Variants in PAN2 observed in about 807,000 individuals in gnomAD.
PAN2 encodes the protein PAN2-PAN3 deadenylation complex catalytic subunit PAN2.
PAN2 carries 68 observed loss-of-function variants against 133.3 expected under a neutral mutation model. The observed-to-expected ratio is 0.51, with a 90% CI of 0.42 to 0.62. The LOEUF (loss-of-function observed/expected upper bound fraction) is 0.62, where lower values mean the gene tolerates loss of function less well. Among genes scored for constraint, PAN2 ranks in the 20% least tolerant of loss-of-function variants. PAN2 has a pLI of 0.00. For synonymous variants in PAN2, 462 were observed against 544.6 expected (o/e 0.85, Z 2.11); for missense variants, 1,042 against 1,500.5 (o/e 0.69, Z 5.05).
chr12:56,331,279 G>C (rs557126059), intron 2 of PAN2, among the ~76,000 whole-genome samples: 3 of 152,290 alleles, frequency 2.0e-5, no homozygotes, highest in East Asian at 3.9e-4. Flanking sequence ...ATTGCTTGTA[G>C]TTCCTGAATT....
In PAN2 at chr12:56,328,007, G is replaced by A. The variant is rs201119518; in HGVS notation, c.639C>T (p.His213=). 6.2e-7 allele frequency: 1 copy of A among 1,613,960 alleles called. No homozygotes were observed. Among genetic ancestry groups the A allele is most frequent in the African/African-American group, 1.3e-5 (1 of 75,042 alleles). The change falls in exon 5 of 26, where the codon CAC becomes CAT. Residue 213 remains histidine (H), a synonymous_variant. Transcript: ENST00000440411. ...GGAACTTGGCCACCTTGCCAGACGT[G>A]TGGCCGCAGAAGAAGAAGCGATTTG... The part of the protein sequence containing the change: ...RQTNRFFFCG[H]TSGKVSLRDL...
At chr12:56,318,154 G>A in intron 25 of PAN2, 83 bp downstream of exon 25, 1 of 1,165,682 alleles carries the variant, frequency 8.6e-7, no homozygotes, top group Non-Finnish European at 1.3e-6. Flanking sequence ...TTCAGCCTGG[G>A]TGACAGAGTG....
At chr12:56,327,304 G>T in intron 6 of PAN2, 60 bp downstream of exon 6, 1 of 1,562,720 alleles carries the variant, frequency 6.4e-7, no homozygotes, top group South Asian at 1.1e-5. Flanking sequence ...GTACTCCTTC[G>T]GGTTCTAGCT....
chr12:56,324,219 G>A (rs1874870648), intron 12 of PAN2, 34 bp from the exon 13 acceptor site: 3 of 1,612,030 alleles, frequency 1.9e-6, no homozygotes, highest in African/African-American at 1.3e-5. Flanking sequence ...TGCACATTGA[G>A]GAAGTTAGGA....
intron 7 of PAN2, 91 bp downstream of exon 7, chr12:56,326,526 T>C: frequency 6.6e-7 from 1 of 1,506,452 alleles, no homozygotes; most frequent in Non-Finnish European, 8.9e-7. Context: ...ATCAGGAAAG[T>C]AGTAGAATAA....
rs1278537444 is a variant in PAN2, at chr12:56,320,000, C to G, written c.2810G>C (p.Ser937Thr). 1.2e-6 allele frequency: 2 copies of G among 1,614,058 alleles called. No individual in the cohort carries two copies. Among genetic ancestry groups the G allele is most frequent in the Non-Finnish European group, 1.7e-6 (2 of 1,180,032 alleles). The change falls in exon 21 of 26, where the codon AGT (serine) becomes ACT (threonine). Residue 937 changes from serine (S) to threonine (T), a missense_variant. Physicochemically the swap from Ser to Thr is moderately conservative, Grantham distance 58. Around this residue, in one of 3 missense-constraint regions of PAN2, gnomAD observed 908 missense variants for 1,223.5 expected, o/e 0.74. Coordinates refer to ENST00000440411, the MANE Select transcript of PAN2 (RefSeq NM_014871.6). The surrounding 1 kb of genome is among the most constrained non-coding windows in gnomAD (Gnocchi z 5.4). ...NLNIKNPIEA[S>T]VLLAEASLAR... ...CAGCGAGGCTTCAGCCAGCAAGACA[C>G]TTGCCTCAATAGGGTTCTTGACTAG... is the stretch of plus-strand genomic sequence containing the variant.
intron 2 of PAN2, among the ~76,000 whole-genome samples, chr12:56,329,101 T>A (rs1203938845): frequency 6.6e-6 from 1 of 152,192 alleles, no homozygotes; most frequent in Non-Finnish European, 1.5e-5. Flanking sequence ...TTGGAACCAA[T>A]CCCACATGGA....
In PAN2 at chr12:56,328,568, A is replaced by T. The variant is rs745581134; in HGVS notation, c.356T>A (p.Ile119Asn). Residue 119 changes from isoleucine (I) to asparagine (N), a missense_variant, in exon 3 of 26, where the codon ATT (isoleucine) becomes AAT (asparagine). By Grantham distance (149) the Ile-to-Asn change is moderately radical (BLOSUM62 -3). Transcript: ENST00000440411. ...SSFQVNGSDD[I>N]RQIQSLENGI... Reference sequence around the variant, plus strand: ...ATTCTCCAGGCTCTGGATCTGCCGAATATCATCACTGCCATTGACTTGAAA... The same window carrying T: ...ATTCTCCAGGCTCTGGATCTGCCGATTATCATCACTGCCATTGACTTGAAA... 1.2e-6 allele frequency: 2 copies of T among 1,614,250 alleles called. No individual in the cohort carries two copies. Among genetic ancestry groups the T allele is most frequent in the South Asian group, 1.1e-5 (1 of 91,090 alleles).
chr12:56,319,987 A>G lies in PAN2; in HGVS notation c.2823T>C (p.Ala941=), dbSNP rs1347603121. 2.5e-6 allele frequency: 4 copies of G among 1,614,106 alleles called. No homozygotes were observed. The highest frequency in any genetic ancestry group is 1.7e-5 in the Admixed American group (1 of 60,006). ...KNPIEASVLL[A]EASLARKQRK... ...GCTGCTTCCGTGCCAGCGAGGCTTC[A>G]GCCAGCAAGACACTTGCCTCAATAG... The change falls in exon 21 of 26, where the codon GCT becomes GCC. Residue 941 remains alanine (A), a synonymous_variant. Coordinates refer to ENST00000440411, the MANE Select transcript of PAN2 (RefSeq NM_014871.6). The surrounding 1 kb of genome is among the most constrained non-coding windows in gnomAD (Gnocchi z 5.4).
intron 12 of PAN2, 47 bp from the exon 13 acceptor site, chr12:56,324,232 C>G (rs929965805): frequency 6.2e-7 from 1 of 1,611,220 alleles, no homozygotes; most frequent in Non-Finnish European, 8.5e-7. Context: ...AGTTAGGAGA[C>G]CTTTTAAATC....
chr12:56,333,350 G>A (rs1391013562), intron 1 of PAN2, 142 bp from the exon 2 acceptor site: 1 of 530,424 alleles, frequency 1.9e-6, no homozygotes, highest in Non-Finnish European at 3.4e-6. Context: ...GGCGGGGGAG[G>A]GATGGGCAGT....
intron 15 of PAN2, 24 bp downstream of exon 15, chr12:56,323,476 C>G: frequency 1.2e-6 from 2 of 1,611,684 alleles, no homozygotes. Context: ...TTCCGGAAGC[C>G]TTGTTTCTAG....
rs557204599 is a variant in PAN2 at position 56,323,369 on chromosome 12, C to T, written c.2287G>A (p.Ala763Thr). 3 of 1,613,824 alleles carry T rather than the reference C, an allele frequency of 1.9e-6. No homozygotes were observed. Among genetic ancestry groups the T allele is most frequent in the African/African-American group, 1.3e-5 (1 of 74,998 alleles). Reference protein sequence around the residue: ...RMQAEVAFKMAVKKHGGEISK... With the variant: ...RMQAEVAFKMTVKKHGGEISK... ...ATTTCCCCACCGTGTTTCTTTACTG[C>T]CATCTTGAAGGCAACCTGAACACAG... Residue 763 changes from alanine to threonine, a missense_variant, in exon 16 of 26, where the codon GCA (alanine) becomes ACA (threonine). By Grantham distance (58) the Ala-to-Thr change is moderately conservative. Transcript: ENST00000440411.
Position 56,328,743 on chromosome 12 carries a change from G to C in PAN2, c.283-102C>G, listed in dbSNP as rs1875404079. 4.2e-6 allele frequency: 4 copies of C among 941,558 alleles called. No individual in the cohort carries two copies. In the South Asian group the frequency reaches 6.6e-5, roughly 16 times the overall value. The allele number at this position is 941,558 out of a possible 1,614,324, so 58.3% of individuals were successfully genotyped here. A position where few individuals can be genotyped will look rare whatever the true frequency, so the allele number is the denominator to read the frequency against. ...CATGGCTCAGCTTGGATCCTTTCTT[G>C]CTTGGCCTTTGTGACTAGGAGCAAC... On this transcript the variant is annotated intron_variant, in intron 2 of 25. Transcript: ENST00000440411.
chr12:56,322,852 A>AGGAC, intron 17 of PAN2, 94 bp from the exon 18 acceptor site: 1 of 579,186 alleles, frequency 1.7e-6, no homozygotes, highest in Non-Finnish European at 3.1e-6. Flanking sequence ...GGTATGGGGG[A>AGGAC]TGGGGGACCA....
chr12:56,322,937 G>A, intron 17 of PAN2, 125 bp downstream of exon 17: 1 of 1,340,628 alleles, frequency 7.5e-7, no homozygotes, highest in Non-Finnish European at 1.0e-6. Flanking sequence ...TCCCCTAACA[G>A]GTAAATACTA....
chr12:56,332,247 G>A (rs1323553742), intron 2 of PAN2, among the ~76,000 whole-genome samples: 2 of 152,134 alleles, frequency 1.3e-5, no homozygotes, highest in East Asian at 3.8e-4. Context: ...GATGGCTACA[G>A]ACTAAGTGAT....
Position 56,319,165 on chromosome 12 carries a change from A to C in PAN2, c.3287T>G (p.Val1096Gly). The change falls in exon 24 of 26, where the codon GTC becomes GGC. Residue 1096 changes from valine (V) to glycine (G), a missense_variant. Physicochemically the swap from Val to Gly is moderately radical, Grantham distance 109 (BLOSUM62 -3). Transcript: ENST00000440411. This position sits in a 1 kb window ranked among gnomAD's most constrained non-coding sequence, Gnocchi z 5.4. Reference protein sequence around the residue: ...VINLMVPKDQVLDTVYLFHMP... With the variant: ...VINLMVPKDQGLDTVYLFHMP... The stretch of plus-strand genomic sequence containing the variant: ...ATGGAACAGGTAGACAGTGTCAAGG[A>C]CTTGGTCCTTGGGCACCTGGCAAGG... The C allele has an allele frequency of 6.2e-7, 1 of 1,614,036 alleles. No individual in the cohort carries two copies. The highest frequency in any genetic ancestry group is 8.5e-7 in the Non-Finnish European group (1 of 1,179,930).
At position 56,324,103 on chromosome 12, in the gene PAN2, T is replaced by C. The variant is rs758673507; in HGVS notation, c.2011A>G (p.Ser671Gly). 4 of 1,614,170 alleles carry C rather than the reference T, an allele frequency of 2.5e-6. No individual in the cohort carries two copies. The South Asian group carries it at 4.4e-5, about 18-fold the overall frequency. Residue 671 changes from serine to glycine, a missense_variant, in exon 13 of 26, where the codon AGT (serine) becomes GGT (glycine). Around this residue, in one of 3 missense-constraint regions of PAN2, gnomAD observed 908 missense variants for 1,223.5 expected, o/e 0.74. Coordinates refer to ENST00000440411, the MANE Select transcript of PAN2 (RefSeq NM_014871.6). ...GTGGATGAGGCTCGCACGGTCTCAC[T>C]GCCACAGCGGCAGAGGCTGCAGTTC... ...MENCSLCRCGSETVRASSTLL... is the reference protein window; with the variant it reads ...MENCSLCRCGGETVRASSTLL...
Sources: gnomAD v4.1 joint callset for allele counts (sites outside exome capture counted in the v4.1 genomes callset) on GRCh38, gnomAD v4.1.1 for gene constraint, gnomAD v4.1.1 regional missense constraint, Gnocchi (gnomAD v3.1) non-coding constraint, MANE v1.5 for transcripts, NCBI Gene and HGNC (gene_info 2026-07-23, HGNC 2026-07-21) for gene names.